NBR1: variants seen among roughly 807,000 people sequenced by gnomAD.
NBR1 encodes NBR1 autophagy cargo receptor.
A neutral mutation model predicts 115.5 loss-of-function variants in NBR1; 59 were observed. The ratio of observed to expected loss-of-function variants is 0.51; its 90% CI spans 0.41 to 0.63. The LOEUF (loss-of-function observed/expected upper bound fraction) is 0.63, where lower values mean the gene tolerates loss of function less well. Ranked by LOEUF, NBR1 falls within the 30% of genes least tolerant of loss-of-function variation. The pLI, the probability that NBR1 is intolerant of heterozygous loss-of-function variation, is 0.00. For synonymous variants in NBR1, 373 were observed against 414.7 expected (o/e 0.90, Z 1.22); for missense variants, 1,043 against 1,150.5 (o/e 0.91, Z 1.35).
At chr17:43,196,733 C>A in intron 15 of NBR1, 142 bp downstream of exon 15, 1 of 849,916 alleles carries the variant, frequency 1.2e-6, no homozygotes, top group Non-Finnish European at 1.9e-6. Context: ...AGTCTCCTCA[C>A]CTTCACATGG....
chr17:43,186,396 G>A lies in NBR1; in HGVS notation c.354G>A (p.Val118=). 1.2e-6 allele frequency: 2 copies of A among 1,600,774 alleles called. No homozygotes were observed. Among genetic ancestry groups the A allele is most frequent in the African/African-American group, 1.3e-5 (1 of 74,772 alleles). Residue 118 remains valine, a synonymous_variant, in exon 6 of 21, where the codon GTG becomes GTA. Transcript: ENST00000590996. ...KKPLAHYSSL[V]RVLGSDMKTP... is the part of the protein sequence containing the mutation. ...CACTTGCACATTACTCTTCACTGGT[G>A]AGAGTCTTGGGATCAGACATGAAGA...
At chr17:43,200,050 C>T (rs2057159960) in intron 16 of NBR1, 117 bp from the exon 17 acceptor site, 1 of 812,598 alleles carries the variant, frequency 1.2e-6, no homozygotes, top group Non-Finnish European at 1.9e-6. Flanking sequence ...TTTAGTTCTT[C>T]CCTCTCCTCT....
At chr17:43,175,079 G>A (rs1016377787) in intron 1 of NBR1, among the ~76,000 whole-genome samples, 4 of 152,118 alleles carry the variant, frequency 2.6e-5, no homozygotes, top group African/African-American at 7.2e-5. Context: ...AGCCTGGGGC[G>A]ATAGAGCGAG....
At chr17:43,199,128 C>A (rs1229993659) in intron 16 of NBR1, among the ~76,000 whole-genome samples, 1 of 150,638 alleles carries the variant, frequency 6.6e-6, no homozygotes, top group Non-Finnish European at 1.5e-5. Context: ...CTCGCCCAGG[C>A]TAAAGTGCGA....
intron 20 of NBR1, among the ~76,000 whole-genome samples, chr17:43,204,659 A>G (rs1197092784): frequency 1.3e-5 from 2 of 151,854 alleles, no homozygotes; most frequent in African/African-American, 4.8e-5. Context: ...TACTAAAAAT[A>G]CAAAAATTAG....
At chr17:43,173,601 T>G (rs1307356172) in intron 1 of NBR1, among the ~76,000 whole-genome samples, 1 of 152,216 alleles carries the variant, frequency 6.6e-6, no homozygotes, top group East Asian at 1.9e-4. Flanking sequence ...ATCATATTTT[T>G]TATATTTGAA....
rs2057397117 is a variant in NBR1, at chr17:43,210,391, CTGAG to C, written c.*319_*322del. Reference sequence around the variant, plus strand: ...ATTTTTCTTTCTGCTTTTATTGAAACTGAGTATTTTTCTTTGGCTAATGTGGATT... The same window carrying C: ...ATTTTTCTTTCTGCTTTTATTGAAACTATTTTTCTTTGGCTAATGTGGATT... On this transcript the variant is annotated 3_prime_UTR_variant, in exon 21 of 21. Transcript: ENST00000590996. The C allele has an allele frequency of 2.5e-6, 1 of 394,702 alleles. No individual in the cohort carries two copies. The highest frequency in any genetic ancestry group is 4.4e-5 in the Admixed American group (1 of 22,624). 24.4% of individuals were successfully genotyped at this position (394,702 alleles called of 1,614,324 possible). A position where few individuals can be genotyped will look rare whatever the true frequency, so the allele number is the denominator to read the frequency against.
intron 8 of NBR1, 47 bp from the exon 9 acceptor site, chr17:43,190,562 G>C: frequency 6.5e-7 from 1 of 1,543,972 alleles, no homozygotes; most frequent in African/African-American, 1.4e-5. Context: ...CCTACCCCAG[G>C]TACTTCCTAT....
rs2057033239 is a variant in NBR1, at chr17:43,194,966, C to T, written c.1677C>T (p.Asp559=). 3 of 1,613,058 alleles carry T rather than the reference C, an allele frequency of 1.9e-6. No homozygotes were observed. The highest frequency in any genetic ancestry group is 3.3e-5 in the Admixed American group (2 of 59,838). The part of the protein sequence containing the change: ...IPSVDLLTAQ[D]LLSFELLDIN... Reference sequence around the variant, plus strand: ...CCTAACATTGTCTTTTTTTATAGGACCTGCTGTCCTTTGAGCTGTTGGATA... The same window carrying T: ...CCTAACATTGTCTTTTTTTATAGGATCTGCTGTCCTTTGAGCTGTTGGATA... The change falls in exon 14 of 21, where the codon GAC becomes GAT. Residue 559 remains aspartate (D), a splice_region_variant and synonymous_variant. Transcript: ENST00000590996.
chr17:43,202,827 C>G (rs2057233649), intron 19 of NBR1, 115 bp downstream of exon 19: 15 of 788,534 alleles, frequency 1.9e-5, no homozygotes, highest in Non-Finnish European at 3.1e-5. Context: ...AGAAGGGGAG[C>G]CTTTGTTCCG....
intron 16 of NBR1, among the ~76,000 whole-genome samples, chr17:43,198,833 C>T (rs927526202): frequency 8.6e-5 from 13 of 151,164 alleles, no homozygotes; most frequent in African/African-American, 1.9e-4. Context: ...TGGTGGCGGG[C>T]GCACCTGTAA....
At chr17:43,179,346 A>G in intron 3 of NBR1, 48 bp from the exon 4 acceptor site, 1 of 1,585,534 alleles carries the variant, frequency 6.3e-7, no homozygotes, top group Non-Finnish European at 8.6e-7. Context: ...AGAAATGCTC[A>G]ACTGATGAGA....
chr17:43,189,657 C>T lies in NBR1; in HGVS notation c.550C>T (p.Gln184Ter). The change falls in exon 8 of 21, where the codon CAG becomes TAG. Residue 184 changes from glutamine to a stop codon, truncating the protein, a stop_gained. Transcript: ENST00000590996. LOFTEE classifies it high-confidence loss of function. ...GAAATTACATGAAAAGCTTGTCCTC[C>T]AGAACCCATCCTTGGGTTCTTGTCC... ...EQKLHEKLVL[Q>*]NPSLGSCPSE... is the part of the protein sequence containing the mutation. 6.2e-7 allele frequency: 1 copy of T among 1,613,884 alleles called. No homozygotes were observed. Among genetic ancestry groups the T allele is most frequent in the Non-Finnish European group, 8.5e-7 (1 of 1,179,768 alleles).
chr17:43,171,068 G>C (rs193017954), upstream of NBR1: 97 of 152,688 alleles, frequency 6.4e-4, no homozygotes, highest in African/African-American at 2.1e-3. Flanking sequence ...TGTTGTTCGG[G>C]TTCAGGTTGC....
intron 20 of NBR1, among the ~76,000 whole-genome samples, chr17:43,204,553 C>G (rs1052345571): frequency 6.6e-6 from 1 of 151,606 alleles, no homozygotes; most frequent in Non-Finnish European, 1.5e-5. Context: ...CAGTGGCTCA[C>G]ACCTGTAATC....
chr17:43,194,477 C>G lies in NBR1; in HGVS notation c.1652C>G (p.Ser551Cys), dbSNP rs752938797. Residue 551 changes from serine (S) to cysteine (C), a missense_variant, in exon 13 of 21, where the codon TCT (serine) becomes TGT (cysteine). Coordinates refer to ENST00000590996, the MANE Select transcript of NBR1 (RefSeq NM_005899.5). Reference sequence around the variant, plus strand: ...AGTGAGAGGGAGCTCTACATCCCATCTGTGGATCTTCTGACTGCCCAGGTG... The same window carrying G: ...AGTGAGAGGGAGCTCTACATCCCATGTGTGGATCTTCTGACTGCCCAGGTG... Reference protein sequence around the residue: ...VASERELYIPSVDLLTAQDLL... With the variant: ...VASERELYIPCVDLLTAQDLL... 3 of 1,613,982 alleles carry G rather than the reference C, an allele frequency of 1.9e-6. No homozygotes were observed. Among genetic ancestry groups the G allele is most frequent in the Non-Finnish European group, 2.5e-6 (3 of 1,179,874 alleles).
intron 6 of NBR1, among the ~76,000 whole-genome samples, chr17:43,188,569 C>T (rs2056872787): frequency 6.6e-6 from 1 of 152,174 alleles, no homozygotes; most frequent in Non-Finnish European, 1.5e-5. Flanking sequence ...CCTAGGTTTT[C>T]TTCTAGGGTT....
chr17:43,189,165 G>A (rs2056887222), intron 7 of NBR1, 46 bp downstream of exon 7: 1 of 1,330,198 alleles, frequency 7.5e-7, no homozygotes, highest in African/African-American at 1.4e-5. Context: ...TGTTGGCACA[G>A]GTGGAATGTG....
intron 20 of NBR1, among the ~76,000 whole-genome samples, chr17:43,204,845 C>G (rs993492378): frequency 5.5e-5 from 8 of 146,124 alleles, no homozygotes; most frequent in Admixed American, 6.9e-5. Context: ...TGATGGCATG[C>G]ACCTACAGTC....
Sources: allele counts gnomAD v4.1 joint callset (sites outside exome capture counted in the v4.1 genomes callset), GRCh38; gene constraint gnomAD v4.1.1; transcripts MANE v1.5; gene names NCBI Gene and HGNC (gene_info 2026-07-23, HGNC 2026-07-21).